The following PARP12 variants were observed in gnomAD, a reference collection of about 807,000 sequenced individuals.
PARP12 encodes protein mono-ADP-ribosyltransferase PARP12.
A neutral mutation model predicts 72.4 loss-of-function variants in PARP12; 59 were observed. The ratio of observed to expected loss-of-function variants is 0.81; its 90% CI spans 0.66 to 1.01. The LOEUF (loss-of-function observed/expected upper bound fraction) is 1.01, where lower values mean the gene tolerates loss of function less well. PARP12 is among the 50% of genes least tolerant of loss of function. The pLI, the probability that PARP12 is intolerant of heterozygous loss-of-function variation, is 0.00. For missense variants in PARP12, 851 were observed against 914.0 expected (o/e 0.93, Z 0.89); for synonymous variants, 403 against 371.4 (o/e 1.09, Z -0.98).
At chr7:140,053,581 A>G (rs558498103) in intron 4 of PARP12, among the ~76,000 whole-genome samples, 1 of 152,344 alleles carries the variant, frequency 6.6e-6, no homozygotes, top group African/African-American at 2.4e-5. Context: ...TAGCTTGTGT[A>G]AACTATAGCT....
At position 140,024,299 on chromosome 7, in the gene PARP12, G is replaced by A; in HGVS notation, c.*261C>T. The A allele has an allele frequency of 2.1e-6, 1 of 476,334 alleles. No homozygotes were observed. The highest frequency in any genetic ancestry group is 2.0e-5 in the African/African-American group (1 of 51,238). 29.5% of individuals were successfully genotyped at this position (476,334 alleles called of 1,614,324 possible). On this transcript the variant is annotated 3_prime_UTR_variant, in exon 12 of 12. Transcript: ENST00000263549. Reference sequence around the variant, plus strand: ...GCCAATAAGCAGCAAAGTCAACAAAGAGTAAAAACTAAAACTTCAACACAT... The same window carrying A: ...GCCAATAAGCAGCAAAGTCAACAAAAAGTAAAAACTAAAACTTCAACACAT...
In PARP12 at chr7:140,062,833, G is replaced by T; in HGVS notation, c.15C>A (p.Gly5=). Residue 5 remains glycine, a synonymous_variant, in exon 1 of 12, where the codon GGC becomes GGA. Coordinates refer to ENST00000263549, the MANE Select transcript of PARP12 (RefSeq NM_022750.4). MAQA[G]VVGEVTQVLC... is the part of the protein sequence containing the mutation. Reference sequence around the variant, plus strand: ...GCACCTGGGTGACCTCACCGACGACGCCGGCCTGGGCCATGGCCGCTGGGC... The same window carrying T: ...GCACCTGGGTGACCTCACCGACGACTCCGGCCTGGGCCATGGCCGCTGGGC... 1 of 1,384,228 alleles carries T rather than the reference G, an allele frequency of 7.2e-7. No homozygotes were observed. Among genetic ancestry groups the T allele is most frequent in the African/African-American group, 1.5e-5 (1 of 66,248 alleles). 85.7% of individuals were successfully genotyped at this position (1,384,228 alleles called of 1,614,324 possible). A position where few individuals can be genotyped will look rare whatever the true frequency, so the allele number is the denominator to read the frequency against.
At position 140,043,420 on chromosome 7, in the gene PARP12, G is replaced by A. The variant is rs549732852; in HGVS notation, c.987-1581C>T. Among the ~76,000 whole-genome samples, 6 of 152,184 alleles carry A rather than the reference G, an allele frequency of 3.9e-5. 1 individual carries two copies. The highest frequency in any genetic ancestry group is 1.4e-4 in the African/African-American group (6 of 41,528). Reference sequence around the variant, plus strand: ...TAAGAATCAAGAGACTATAAAAACTGACTGGGTAAATTTAAGGAAAAAAAC... The same window carrying A: ...TAAGAATCAAGAGACTATAAAAACTAACTGGGTAAATTTAAGGAAAAAAAC... On this transcript the variant is annotated intron_variant, in intron 5 of 11. Transcript: ENST00000263549.
chr7:140,055,050 C>T (rs1205101427), intron 3 of PARP12, among the ~76,000 whole-genome samples: 1 of 152,212 alleles, frequency 6.6e-6, no homozygotes, highest in African/African-American at 2.4e-5. Context: ...TTTAAAAACA[C>T]AAGTGCCTGA....
chr7:140,052,151 A>G (rs1469092621), intron 4 of PARP12, among the ~76,000 whole-genome samples: 1 of 152,194 alleles, frequency 6.6e-6, no homozygotes, highest in African/African-American at 2.4e-5. Flanking sequence ...TAAAATTTCC[A>G]TTCAAAGTTC....
At position 140,024,347 on chromosome 7, in the gene PARP12, C is replaced by T. The variant is rs1269461601; in HGVS notation, c.*213G>A. ...CATTATTAAAAAGCAAAACTGGACT[C>T]AACTACAATCACTTCTGGTTAATCC... On this transcript the variant is annotated 3_prime_UTR_variant, in exon 12 of 12. Coordinates refer to ENST00000263549, the MANE Select transcript of PARP12 (RefSeq NM_022750.4). 3.7e-5 allele frequency: 22 copies of T among 602,230 alleles called. No individual in the cohort carries two copies. The East Asian group carries it at 6.5e-4, about 18-fold the overall frequency. 37.3% of individuals were successfully genotyped at this position (602,230 alleles called of 1,614,324 possible).
At chr7:140,027,528 C>A (rs79041645) in intron 9 of PARP12, 122 bp from the exon 10 acceptor site, 31,056 of 1,217,808 alleles carry the variant, frequency 0.026, 1,364 homozygotes, top group African/African-American at 0.18. Flanking sequence ...GAGCAGTGAC[C>A]ACATTCTCCT....
rs748581100 is a variant in PARP12 at position 140,027,262 on chromosome 7, G to A, written c.1628+14C>T. On this transcript the variant is annotated intron_variant, in intron 10 of 11. Transcript: ENST00000263549. ...ACAGAGTCACCAGCCCACCAAGAGC[G>A]AGCCCCAACGCACCACTGGTAGACT... 17 of 1,610,566 alleles carry A rather than the reference G, an allele frequency of 1.1e-5. No homozygotes were observed. The highest frequency in any genetic ancestry group is 5.0e-5 in the Admixed American group (3 of 59,884).
intron 10 of PARP12, among the ~76,000 whole-genome samples, chr7:140,026,794 C>G (rs1815756929): frequency 6.6e-6 from 1 of 152,204 alleles, no homozygotes; most frequent in Non-Finnish European, 1.5e-5. Flanking sequence ...TACCCCAACC[C>G]CATCTGGGGA....
intron 1 of PARP12, among the ~76,000 whole-genome samples, chr7:140,060,135 GGTA>G (rs1817381144): frequency 6.6e-6 from 1 of 152,174 alleles, no homozygotes; most frequent in South Asian, 2.1e-4. Flanking sequence ...AGCCTGTGAG[GGTA>G]GTAATATCAT....
At chr7:140,047,552 A>T (rs1816781942) in intron 4 of PARP12, among the ~76,000 whole-genome samples, 1 of 152,110 alleles carries the variant, frequency 6.6e-6, no homozygotes, top group African/African-American at 2.4e-5. Context: ...AGTTTCAGGT[A>T]CTCTGTTATA....
chr7:140,037,834 G>T lies in PARP12; in HGVS notation c.1205C>A (p.Thr402Asn). 6.2e-7 allele frequency: 1 copy of T among 1,613,066 alleles called. No homozygotes were observed. Among genetic ancestry groups the T allele is most frequent in the Non-Finnish European group, 8.5e-7 (1 of 1,179,090 alleles). Residue 402 changes from threonine (T) to asparagine (N), a missense_variant, in exon 7 of 12, where the codon ACT (threonine) becomes AAT (asparagine). By Grantham distance (65) the Thr-to-Asn change is moderately conservative. This residue lies in a region of PARP12 where 347 missense variants were observed against 396.1 expected (regional missense o/e 0.88). Transcript: ENST00000263549. ...CTTCTCCACGTCGCTACTGCTGACA[G>T]TGGTCACAGGGTGCACCGTGCCCTG... Reference protein sequence around the residue: ...GRQGTVHPVTTVSSSDVEKAY... With the variant: ...GRQGTVHPVTNVSSSDVEKAY...
In PARP12 at chr7:140,026,280, G is replaced by A. The variant is rs746454818; in HGVS notation, c.1697C>T (p.Thr566Ile). The A allele has an allele frequency of 1.3e-5, 21 of 1,613,652 alleles. No individual in the cohort carries two copies. In the Admixed American group the frequency reaches 2.8e-4, roughly 22 times the overall value. ...GATGGCGTCCACAAAAATGGCGCTGGTGCCGTGGAACAGCTGCCGCTCGTC... is the reference window on the plus strand; with the variant it reads ...GATGGCGTCCACAAAAATGGCGCTGATGCCGTGGAACAGCTGCCGCTCGTC... Reference protein sequence around the residue: ...AVDERQLFHGTSAIFVDAICQ... With the variant: ...AVDERQLFHGISAIFVDAICQ... The change falls in exon 11 of 12, where the codon ACC (threonine) becomes ATC (isoleucine). Residue 566 changes from threonine to isoleucine, a missense_variant. Physicochemically the swap from Thr to Ile is moderately conservative, Grantham distance 89 (BLOSUM62 -1). Coordinates refer to ENST00000263549, the MANE Select transcript of PARP12 (RefSeq NM_022750.4).
rs528848289 is a variant in PARP12, at chr7:140,049,510, C to T, written c.863-2503G>A. ...ATGAGAGCAGAAGGCCACCCCAGGG[C>T]ATCCCAGTAGTCAAATGCTATACCT... On this transcript the variant is annotated intron_variant, in intron 4 of 11. Transcript: ENST00000263549. Among the ~76,000 whole-genome samples, 7 of 152,304 alleles carry T rather than the reference C, an allele frequency of 4.6e-5. No individual in the cohort carries two copies. In the South Asian group the frequency reaches 1.5e-3, roughly 32 times the overall value.
intron 7 of PARP12, among the ~76,000 whole-genome samples, chr7:140,035,915 A>AGGAGGAGGACAAGGAGGAGGAGGACG (rs1816142305): frequency 1.8e-5 from 1 of 56,896 alleles, no homozygotes. Context: ...GGAGGAGGAC[A>AGGAGGAGGACAAGGAGGAGGAGGACG]AGGAGGAGGA....
chr7:140,062,182 C>A (rs969902415), intron 1 of PARP12, among the ~76,000 whole-genome samples: 4 of 152,068 alleles, frequency 2.6e-5, no homozygotes, highest in Non-Finnish European at 5.9e-5. Context: ...TGGCAAGGGG[C>A]GACCCGCGGC....
In PARP12 at chr7:140,057,196, C is replaced by T. The variant is rs781629941; in HGVS notation, c.463-43G>A. On this transcript the variant is annotated intron_variant, in intron 2 of 11. Coordinates refer to ENST00000263549, the MANE Select transcript of PARP12 (RefSeq NM_022750.4). ...AAAAACCACCAGTTCAGGAAGGTCTCACACGACACCACCTCCCCAGTGGCC... is the reference window on the plus strand; with the variant it reads ...AAAAACCACCAGTTCAGGAAGGTCTTACACGACACCACCTCCCCAGTGGCC... The T allele has an allele frequency of 4.5e-6, 7 of 1,556,772 alleles. No homozygotes were observed. In the East Asian group the frequency reaches 1.6e-4, roughly 35 times the overall value.
intron 1 of PARP12, among the ~76,000 whole-genome samples, chr7:140,059,387 G>A (rs10282709): frequency 3.6e-5 from 5 of 139,870 alleles, no homozygotes; most frequent in African/African-American, 1.5e-4. Context: ...CACACACACA[G>A]AGCCCTGAAC....
At chr7:140,060,701 C>A (rs940052522) in intron 1 of PARP12, among the ~76,000 whole-genome samples, 3 of 151,830 alleles carry the variant, frequency 2.0e-5, no homozygotes, top group African/African-American at 7.3e-5. Flanking sequence ...TCTATCCAGC[C>A]ACCATTTGCT....
Sources: allele counts gnomAD v4.1 joint callset (sites outside exome capture counted in the v4.1 genomes callset), GRCh38; gene constraint gnomAD v4.1.1; regional missense constraint gnomAD v4.1.1; transcripts MANE v1.5; gene names NCBI Gene and HGNC (gene_info 2026-07-23, HGNC 2026-07-21).